Variants in DIP2C observed in about 807,000 individuals in gnomAD.
The protein encoded by DIP2C is DIP2 acetate--CoA ligase C (putative).
In DIP2C, 33 loss-of-function variants were observed where a neutral mutation model predicts 192.4. That is an observed-to-expected ratio of 0.17 (90% CI 0.13 to 0.23). DIP2C has a LOEUF of 0.23. Ranked by LOEUF, DIP2C falls within the 10% of genes least tolerant of loss-of-function variation. DIP2C has a pLI of 1.00. For missense variants in DIP2C, 1,537 were observed against 2,110.1 expected, an observed-to-expected ratio of 0.73 and a Z score of 5.32; for synonymous variants, 979 against 864.1, an observed-to-expected ratio of 1.13 and a Z score of -2.33.
chr10:651,039 C>T lies in DIP2C; in HGVS notation c.85+38455G>A, dbSNP rs1368286935. On this transcript the variant is annotated intron_variant, in intron 1 of 36. Transcript: ENST00000280886. The surrounding 1 kb of genome is among the most constrained non-coding windows in gnomAD (Gnocchi z 4.1). ...CCAGCCCCCGTTTCTGCAGAAGCCC[C>T]TTTCCATCCTAGCCCCTGCCACCCC... The T allele has an allele frequency of 4.2e-6, 3 of 717,242 alleles. No individual in the cohort carries two copies. The highest frequency in any genetic ancestry group is 2.0e-5 in the Admixed American group (1 of 50,000). The allele number at this position is 717,242 out of a possible 1,614,324, so 44.4% of individuals were successfully genotyped here.
intron 1 of DIP2C, among the ~76,000 whole-genome samples, chr10:608,103 G>A (rs935382344): frequency 7.0e-6 from 1 of 143,208 alleles, no homozygotes; most frequent in Non-Finnish European, 1.5e-5. Context: ...ACCTAAAAAG[G>A]AACACACACA....
At chr10:313,511 A>G (rs563792405) in intron 31 of DIP2C, among the ~76,000 whole-genome samples, 5 of 152,254 alleles carry the variant, frequency 3.3e-5, no homozygotes, top group African/African-American at 1.2e-4. Flanking sequence ...ACTTGTTGTC[A>G]TAATTCTCTG....
At chr10:519,342 C>A (rs1350651297) in intron 1 of DIP2C, among the ~76,000 whole-genome samples, 1 of 152,252 alleles carries the variant, frequency 6.6e-6, no homozygotes, top group Non-Finnish European at 1.5e-5. Flanking sequence ...GAGAAAGACC[C>A]CCGGGGGCTG....
chr10:568,756 A>T (rs935727202), intron 1 of DIP2C, among the ~76,000 whole-genome samples: 12 of 111,066 alleles, frequency 1.1e-4, no homozygotes, highest in African/African-American at 3.8e-4. Flanking sequence ...ACAGAGGGAA[A>T]CTCCGTCTCA....
At chr10:366,671 A>AG (rs3839930) in intron 18 of DIP2C, among the ~76,000 whole-genome samples, 21,091 of 152,202 alleles carry the variant, frequency 0.14, 1,561 homozygotes, top group East Asian at 0.22. Context: ...AGTTGTATTT[A>AG]GGGGCGTGAC....
intron 28 of DIP2C, among the ~76,000 whole-genome samples, chr10:344,067 T>C (rs1310149011): frequency 6.6e-6 from 1 of 152,146 alleles, no homozygotes; most frequent in Admixed American, 6.5e-5. Context: ...GATGGTCTAC[T>C]CTACGTCAGA....
chr10:626,631 C>T (rs1854221335), intron 1 of DIP2C, among the ~76,000 whole-genome samples: 1 of 152,108 alleles, frequency 6.6e-6, no homozygotes, highest in Non-Finnish European at 1.5e-5. Context: ...CAGAGGCATT[C>T]CGGCCTATTC....
At chr10:333,454 C>T (rs1957590988) in intron 29 of DIP2C, among the ~76,000 whole-genome samples, 2 of 152,200 alleles carry the variant, frequency 1.3e-5, no homozygotes, top group African/African-American at 4.8e-5. Flanking sequence ...ACCACACAGC[C>T]ACACTTCCCT....
chr10:484,541 G>A (rs1376205085), intron 2 of DIP2C, among the ~76,000 whole-genome samples: 25 of 152,162 alleles, frequency 1.6e-4, no homozygotes, highest in Admixed American at 1.6e-3. Flanking sequence ...CTGAGAAAGG[G>A]GAATTGTAAA....
At chr10:387,204 C>T (rs915815222) in intron 14 of DIP2C, among the ~76,000 whole-genome samples, 2 of 152,192 alleles carry the variant, frequency 1.3e-5, no homozygotes, top group African/African-American at 2.4e-5. Flanking sequence ...ATGATCTCCA[C>T]GTGAGCCCTG....
At chr10:464,015 A>C (rs193280943) in intron 3 of DIP2C, among the ~76,000 whole-genome samples, 2 of 152,350 alleles carry the variant, frequency 1.3e-5, no homozygotes, top group Non-Finnish European at 2.9e-5. Context: ...TAAAAACTTA[A>C]ACGTAAGACG....
At position 287,687 on chromosome 10, in the gene DIP2C, A is replaced by AAC. The variant is rs71374353; in HGVS notation, c.4044+676_4044+677insGT. ...CGAAACGGAAAAAAAAAAAAAAAAA[A>AAC]GAGTCTTTATTTAGGTGTTTAAATA... is the stretch of plus-strand genomic sequence containing the variant. On this transcript the variant is annotated intron_variant, in intron 33 of 36. Coordinates refer to ENST00000280886, the MANE Select transcript of DIP2C (RefSeq NM_014974.3). Among the ~76,000 whole-genome samples, 164 of 147,944 alleles carry AAC rather than the reference A, an allele frequency of 1.1e-3. No homozygotes were observed. The South Asian group carries it at 0.012, about 11-fold the overall frequency.
intron 17 of DIP2C, among the ~76,000 whole-genome samples, chr10:377,002 T>C (rs1589649861): frequency 6.6e-6 from 1 of 152,222 alleles, no homozygotes; most frequent in African/African-American, 2.4e-5. Context: ...TATTAAGTTA[T>C]GAGTTGATTT....
intron 1 of DIP2C, among the ~76,000 whole-genome samples, chr10:549,020 T>G (rs1848456081): frequency 6.8e-6 from 1 of 148,100 alleles, no homozygotes; most frequent in African/African-American, 2.5e-5. Flanking sequence ...CTAACGTGAA[T>G]GGGGGAAAAA....
intron 2 of DIP2C, among the ~76,000 whole-genome samples, chr10:482,615 A>G (rs75564266): frequency 0.016 from 2,381 of 152,266 alleles, 66 homozygotes; most frequent in African/African-American, 0.054. Flanking sequence ...ACCAAGAAAC[A>G]TTTCACAGAC....
chr10:603,932 C>T (rs1414007499), intron 1 of DIP2C, among the ~76,000 whole-genome samples: 1 of 150,906 alleles, frequency 6.6e-6, no homozygotes, highest in Non-Finnish European at 1.5e-5. Flanking sequence ...CACACCCCTC[C>T]GGCCCGGCAC....
intron 3 of DIP2C, among the ~76,000 whole-genome samples, chr10:443,836 A>G (rs187154838): frequency 4.9e-4 from 75 of 152,340 alleles, no homozygotes; most frequent in African/African-American, 1.6e-3. Flanking sequence ...TGAAAAATCT[A>G]TCAAATAGAG....
chr10:414,187 A>C, intron 7 of DIP2C, 77 bp from the exon 8 acceptor site: 1 of 1,460,210 alleles, frequency 6.8e-7, no homozygotes, highest in African/African-American at 1.4e-5. Context: ...CTTTATAAAG[A>C]AGCCAAGAGA....
chr10:640,160 G>A (rs949953708), intron 1 of DIP2C, among the ~76,000 whole-genome samples: 3 of 152,200 alleles, frequency 2.0e-5, no homozygotes, highest in Admixed American at 1.3e-4. Context: ...CCTACCACGC[G>A]GCTAACACAC....
Sources: gnomAD v4.1 joint callset for allele counts (sites outside exome capture counted in the v4.1 genomes callset) on GRCh38, gnomAD v4.1.1 for gene constraint, Gnocchi (gnomAD v3.1) non-coding constraint, MANE v1.5 for transcripts, NCBI Gene and HGNC (gene_info 2026-07-23, HGNC 2026-07-21) for gene names.